Variants in ENTPD4 observed in about 807,000 individuals in gnomAD.
The protein encoded by ENTPD4 is Golgi UDPase.
A neutral mutation model predicts 79.1 loss-of-function variants in ENTPD4; 60 were observed. The observed-to-expected ratio is 0.76, with a 90% CI of 0.62 to 0.94. The LOEUF is 0.94. ENTPD4 is among the 40% of genes least tolerant of loss of function. The pLI, the probability that ENTPD4 is intolerant of heterozygous loss-of-function variation, is 0.00. For synonymous variants in ENTPD4, 276 were observed against 292.0 expected (o/e 0.95, Z 0.56); for missense variants, 772 against 775.1 (o/e 1.00, Z 0.05).
Position 23,430,559 on chromosome 8 carries a change from A to G in ENTPD4, c.*2367T>C, listed in dbSNP as rs1053242673. On this transcript the variant is annotated 3_prime_UTR_variant, in exon 13 of 13. Coordinates refer to ENST00000358689, the MANE Select transcript of ENTPD4 (RefSeq NM_004901.5). ...ATATTCTAGGCTTTACAGGCCACAT[A>G]TAGTGTCTGCTGCATATTCTTCAAC... The G allele has an allele frequency of 9.1e-6, 9 of 983,832 alleles. No homozygotes were observed. Among genetic ancestry groups the G allele is most frequent in the Non-Finnish European group, 1.1e-5 (9 of 828,596 alleles). The allele number at this position is 983,832 out of a possible 1,614,324, so 60.9% of individuals were successfully genotyped here. A position where few individuals can be genotyped will look rare whatever the true frequency, so the allele number is the denominator to read the frequency against.
chr8:23,438,375 A>G (rs1323184564), intron 9 of ENTPD4, among the ~76,000 whole-genome samples: 1 of 152,232 alleles, frequency 6.6e-6, no homozygotes, highest in Non-Finnish European at 1.5e-5. Flanking sequence ...GTTGAATGTA[A>G]TAAATTAAGG....
chr8:23,443,490 A>C (rs1054461457), intron 6 of ENTPD4, among the ~76,000 whole-genome samples: 1 of 152,230 alleles, frequency 6.6e-6, no homozygotes, highest in Non-Finnish European at 1.5e-5. Context: ...CAAAGATTTG[A>C]TATTTCTCAG....
Position 23,430,000 on chromosome 8 carries a change from C to A in ENTPD4, c.*2926G>T, listed in dbSNP as rs189872678. The stretch of plus-strand genomic sequence containing the variant: ...GGCATGTTTCTACCAAGATTGAACA[C>A]AATGCTTTTCTTTGATAAAGCTTTG... On this transcript the variant is annotated 3_prime_UTR_variant, in exon 13 of 13. Coordinates refer to ENST00000358689, the MANE Select transcript of ENTPD4 (RefSeq NM_004901.5). 2.0e-6 allele frequency: 2 copies of A among 985,456 alleles called. No individual in the cohort carries two copies. The highest frequency in any genetic ancestry group is 2.4e-6 in the Non-Finnish European group (2 of 829,932). The allele number at this position is 985,456 out of a possible 1,614,324, so 61.0% of individuals were successfully genotyped here. A position where few individuals can be genotyped will look rare whatever the true frequency, so the allele number is the denominator to read the frequency against.
At chr8:23,457,382 C>A (rs1026536778) in intron 1 of ENTPD4, among the ~76,000 whole-genome samples, 175 bp downstream of exon 1, 1 of 82,666 alleles carries the variant, frequency 1.2e-5, no homozygotes, top group South Asian at 3.0e-4. Context: ...TGTGGCCGCG[C>A]GGCAGGGGAG....
In ENTPD4 at chr8:23,435,446, C is replaced by G; in HGVS notation, c.1406G>C (p.Arg469Pro). 1 of 1,614,020 alleles carries G rather than the reference C, an allele frequency of 6.2e-7. No individual in the cohort carries two copies. The change falls in exon 11 of 13, where the codon CGG becomes CCG. Residue 469 changes from arginine (R) to proline (P), a missense_variant. Physicochemically the swap from Arg to Pro is moderately radical, Grantham distance 103. Coordinates refer to ENST00000358689, the MANE Select transcript of ENTPD4 (RefSeq NM_004901.5). ...GTACAGTCCTCGGTCAAAGCGTTCCCGCAAAATGGACCACTTTGTTGCACA... is the reference window on the plus strand; with the variant it reads ...GTACAGTCCTCGGTCAAAGCGTTCCGGCAAAATGGACCACTTTGTTGCACA... ...DYCATKWSIL[R>P]ERFDRGLYAS...
chr8:23,435,046 G>A (rs1045016887), intron 11 of ENTPD4, among the ~76,000 whole-genome samples: 2 of 152,172 alleles, frequency 1.3e-5, no homozygotes, highest in Non-Finnish European at 2.9e-5. Flanking sequence ...GAGGTAGGAT[G>A]AATTCTTGAG....
intron 2 of ENTPD4, among the ~76,000 whole-genome samples, 159 bp downstream of exon 2, chr8:23,449,734 A>G (rs1261890143): frequency 6.6e-6 from 1 of 152,202 alleles, no homozygotes; most frequent in African/African-American, 2.4e-5. Context: ...TGCTTCATGC[A>G]TTAAAATACC....
At chr8:23,455,169 A>G (rs1408585408) in intron 1 of ENTPD4, among the ~76,000 whole-genome samples, 2 of 152,340 alleles carry the variant, frequency 1.3e-5, no homozygotes, top group Non-Finnish European at 2.9e-5. Flanking sequence ...ATGCAAATCA[A>G]CCACAAAGGG....
chr8:23,442,854 T>C (rs954017480), intron 6 of ENTPD4, among the ~76,000 whole-genome samples: 1 of 152,100 alleles, frequency 6.6e-6, no homozygotes, highest in Non-Finnish European at 1.5e-5. Context: ...TGCTCTACTC[T>C]CTGCTATTGG....
chr8:23,441,753 C>T (rs767310036), intron 7 of ENTPD4, 30 bp from the exon 8 acceptor site: 5 of 1,609,398 alleles, frequency 3.1e-6, no homozygotes, highest in Admixed American at 3.3e-5. Flanking sequence ...TTCACTGGAA[C>T]AGAACTAATC....
In ENTPD4 at chr8:23,430,894, ACTTATTAGGTAGCCAGAAGCTCAC is replaced by A; in HGVS notation, c.*2008_*2031del. 1.0e-6 allele frequency: 1 copy of A among 985,488 alleles called. No individual in the cohort carries two copies. The highest frequency in any genetic ancestry group is 1.2e-6 in the Non-Finnish European group (1 of 829,976). The allele number at this position is 985,488 out of a possible 1,614,324, so 61.0% of individuals were successfully genotyped here. A position where few individuals can be genotyped will look rare whatever the true frequency, so the allele number is the denominator to read the frequency against. On this transcript the variant is annotated 3_prime_UTR_variant, in exon 13 of 13. Transcript: ENST00000358689. ...TGTCGCAGGCAGGTGGCCAAGACCA[ACTTATTAGGTAGCCAGAAGCTCAC>A]CCCTTTCTTAACAACTTTGACCACG...
intron 1 of ENTPD4, among the ~76,000 whole-genome samples, chr8:23,451,223 C>T (rs1397136052): frequency 1.3e-5 from 2 of 151,928 alleles, no homozygotes; most frequent in African/African-American, 2.4e-5. Flanking sequence ...GGTTTCGCCA[C>T]GTTGGCCAGG....
intron 2 of ENTPD4, 60 bp from the exon 3 acceptor site, chr8:23,448,999 A>C: frequency 1.5e-6 from 2 of 1,352,954 alleles, no homozygotes; most frequent in Non-Finnish European, 2.1e-6. Context: ...TCCTTCACCT[A>C]AAGTGATCCT....
intron 6 of ENTPD4, 38 bp downstream of exon 6, chr8:23,443,812 A>G: frequency 7.8e-7 from 1 of 1,285,380 alleles, no homozygotes; most frequent in South Asian, 1.2e-5. Context: ...TTAAAGGAAC[A>G]GCTTCCCAAA....
intron 6 of ENTPD4, among the ~76,000 whole-genome samples, chr8:23,443,508 A>G (rs2117292118): frequency 6.6e-6 from 1 of 152,356 alleles, no homozygotes; most frequent in Non-Finnish European, 1.5e-5. Flanking sequence ...CAGTGTATCA[A>G]AGTCGAGAAG....
chr8:23,443,780 C>T, intron 6 of ENTPD4, 70 bp downstream of exon 6: 2 of 859,762 alleles, frequency 2.3e-6, no homozygotes, highest in South Asian at 1.4e-5. Context: ...ACAAAGGGTA[C>T]ATTGGTGAAA....
chr8:23,439,868 A>C lies in ENTPD4; in HGVS notation c.930T>G (p.Asp310Glu), dbSNP rs1341337319. The change falls in exon 9 of 13, where the codon GAT becomes GAG. Residue 310 changes from aspartate to glutamate, a missense_variant. Physicochemically the swap from Asp to Glu is conservative, Grantham distance 45 (BLOSUM62 2). Coordinates refer to ENST00000358689, the MANE Select transcript of ENTPD4 (RefSeq NM_004901.5). ...GATACACATGCTCAGTTTGGTGAACATCACATCCCAAGTTAAATTCAGCTA... is the reference window on the plus strand; with the variant it reads ...GATACACATGCTCAGTTTGGTGAACCTCACATCCCAAGTTAAATTCAGCTA... ...NLLAEFNLGC[D>E]VHQTEHVYRV... 1 of 1,614,054 alleles carries C rather than the reference A, an allele frequency of 6.2e-7. No homozygotes were observed. Among genetic ancestry groups the C allele is most frequent in the East Asian group, 2.2e-5 (1 of 44,904 alleles).
chr8:23,446,450 A>C lies in ENTPD4; in HGVS notation c.412+1230T>G, dbSNP rs144904026. ...GAAAATGTTTCTAGGTTAGGGATAC[A>C]TAAAAATTTAAGGGGTAGAAATACA... On this transcript the variant is annotated intron_variant, in intron 4 of 12. Transcript: ENST00000358689. Among the ~76,000 whole-genome samples the C allele has an allele frequency of 1.7e-3, 260 of 152,360 alleles. 2 individuals are homozygous for C. The highest frequency in any genetic ancestry group is 3.4e-3 in the Middle Eastern group (1 of 294).
intron 11 of ENTPD4, chr8:23,434,763 T>G: frequency 8.3e-7 from 1 of 1,209,686 alleles, no homozygotes; most frequent in Non-Finnish European, 1.0e-6. Context: ...CAGCTGGCAT[T>G]TCACCATGTA....
Sources: allele counts gnomAD v4.1 joint callset (sites outside exome capture counted in the v4.1 genomes callset), GRCh38; gene constraint gnomAD v4.1.1; transcripts MANE v1.5; gene names NCBI Gene and HGNC (gene_info 2026-07-23, HGNC 2026-07-21).